The following LOC114841035 variants were observed in gnomAD, a reference collection of about 807,000 sequenced individuals.
At chr11:64,243,304 C>G in the LOC114841035 span, 2 of 1,603,290 alleles carry the variant, frequency 1.2e-6, no homozygotes, top group Non-Finnish European at 1.7e-6. Context: ...GGACCAGGGG[C>G]TGCTGGGGTG....
the LOC114841035 span, chr11:64,242,282 G>A: frequency 8.4e-7 from 1 of 1,196,270 alleles, no homozygotes; most frequent in Non-Finnish European, 1.1e-6. Flanking sequence ...CCGGGGCAAG[G>A]AAGATACAGT....
chr11:64,242,672 C>T, the LOC114841035 span: 13 of 1,141,488 alleles, frequency 1.1e-5, no homozygotes, highest in East Asian at 2.9e-5. Flanking sequence ...AGTCCCCTCT[C>T]GCCTCTAAGC....
At chr11:64,244,089 AAAAC>A in the LOC114841035 span, 1 of 1,556,386 alleles carries the variant, frequency 6.4e-7, no homozygotes, top group Non-Finnish European at 8.8e-7. Flanking sequence ...TTCCAAAAAA[AAAAC>A]AAAAAACAAA....
At chr11:64,242,959 C>T in the LOC114841035 span, among the ~76,000 whole-genome samples, 1 of 152,330 alleles carries the variant, frequency 6.6e-6, no homozygotes, top group African/African-American at 2.4e-5. Context: ...ATAATCCCAG[C>T]TACTTGGGAG....
the LOC114841035 span, among the ~76,000 whole-genome samples, chr11:64,242,712 C>T: frequency 2.0e-5 from 3 of 152,204 alleles, no homozygotes. Flanking sequence ...TTGCCCTTGC[C>T]TACTGCCCAG....
chr11:64,243,766 C>T, the LOC114841035 span: 21 of 1,580,900 alleles, frequency 1.3e-5, no homozygotes, highest in Middle Eastern at 1.7e-4. Flanking sequence ...CTGAGAGGGG[C>T]GGAACACTCT....
chr11:64,243,696 G>A, the LOC114841035 span: 27 of 1,267,906 alleles, frequency 2.1e-5, no homozygotes, highest in Middle Eastern at 2.4e-4. Context: ...CTCTGCCCTT[G>A]CCAGGCCTTT....
the LOC114841035 span, chr11:64,243,146 G>C: frequency 4.7e-6 from 7 of 1,504,908 alleles, no homozygotes; most frequent in South Asian, 6.8e-5. Context: ...GCTGAGGGAG[G>C]GGGTGTCAGG....
chr11:64,242,254 C>T, the LOC114841035 span: 3 of 938,906 alleles, frequency 3.2e-6, no homozygotes, highest in Non-Finnish European at 4.4e-6. Context: ...GGCGGTGACC[C>T]GGGACAAAGG....
chr11:64,244,099 A>C, the LOC114841035 span: 6 of 1,533,000 alleles, frequency 3.9e-6, no homozygotes, highest in Non-Finnish European at 4.5e-6. Context: ...AAAACAAAAA[A>C]CAAAAACAAA....
chr11:64,243,604 A>G, the LOC114841035 span: 2 of 1,409,182 alleles, frequency 1.4e-6, no homozygotes, highest in African/African-American at 1.4e-5. Context: ...ATTCATTACA[A>G]TACATGCCTC....
At chr11:64,242,198 C>T in the LOC114841035 span, 2 of 524,438 alleles carry the variant, frequency 3.8e-6, no homozygotes. Flanking sequence ...GGCCAAGCCC[C>T]CTTCTCACTG....
the LOC114841035 span, chr11:64,243,114 G>T: frequency 7.3e-6 from 9 of 1,231,530 alleles, no homozygotes; most frequent in Non-Finnish European, 9.6e-6. Context: ...GGGCGTGGGG[G>T]GGCAGCTTGA....
At chr11:64,243,742 T>C in the LOC114841035 span, 3 of 1,519,624 alleles carry the variant, frequency 2.0e-6, no homozygotes, top group Non-Finnish European at 2.7e-6. Flanking sequence ...CCTTCTCCAT[T>C]TCTGGCCTTC....
chr11:64,243,717 T>A, the LOC114841035 span: 3 of 1,383,344 alleles, frequency 2.2e-6, no homozygotes, highest in Non-Finnish European at 3.1e-6. Flanking sequence ...GGCACCCCCT[T>A]CCCATCTCCA....
the LOC114841035 span, chr11:64,243,597 C>T: frequency 7.0e-7 from 1 of 1,421,346 alleles, no homozygotes; most frequent in East Asian, 2.3e-5. Context: ...CGTATCCATT[C>T]ATTACAATAC....
chr11:64,242,320 CG>C, the LOC114841035 span: 2 of 1,402,588 alleles, frequency 1.4e-6, no homozygotes, highest in Non-Finnish European at 1.9e-6. Flanking sequence ...GTTACCTACC[CG>C]TGTTCCATAC....
the LOC114841035 span, chr11:64,244,111 A>C: frequency 1.3e-6 from 2 of 1,491,422 alleles, no homozygotes; most frequent in East Asian, 4.5e-5. Context: ...AAAAACAAAC[A>C]AAAAAACACT....
the LOC114841035 span, chr11:64,243,395 G>A: frequency 2.9e-5 from 46 of 1,611,308 alleles, no homozygotes; most frequent in Non-Finnish European, 3.4e-6. Context: ...AAGCCCCAGG[G>A]ATACAAGACA....
Sources: gnomAD v4.1 joint callset for allele counts (sites outside exome capture counted in the v4.1 genomes callset) on GRCh38, gnomAD v4.1.1 for gene constraint, MANE v1.5 for transcripts.